RASGRF2: variants seen among roughly 807,000 people sequenced by gnomAD.
RASGRF2 encodes ras-specific guanine nucleotide-releasing factor 2.
Under a neutral mutation model 151.0 loss-of-function variants are expected in RASGRF2, and 76 were observed. The ratio of observed to expected loss-of-function variants is 0.50; its 90% CI spans 0.42 to 0.61. The LOEUF (loss-of-function observed/expected upper bound fraction) is 0.61, where lower values mean the gene tolerates loss of function less well. RASGRF2 is among the 20% of genes least tolerant of loss of function. The pLI is 0.00. For missense variants in RASGRF2, 1,148 were observed against 1,564.6 expected (o/e 0.73, Z 4.49); for synonymous variants, 504 against 566.5 (o/e 0.89, Z 1.57).
chr5:81,090,163 T>C lies in RASGRF2; in HGVS notation c.1391-2638T>C, dbSNP rs148003811. On this transcript the variant is annotated intron_variant, in intron 9 of 26. Transcript: ENST00000265080. ...ACCAGTGTTCTCTGAAATTTTAACT[T>C]TGGGTCTAGAGACAGTTATATCTTC... Among the ~76,000 whole-genome samples the C allele has an allele frequency of 2.3e-4, 35 of 152,344 alleles. No homozygotes were observed. In the East Asian group the frequency reaches 6.6e-3, roughly 29 times the overall value.
chr5:81,106,513 C>A (rs1300066901), intron 12 of RASGRF2, among the ~76,000 whole-genome samples: 1 of 152,168 alleles, frequency 6.6e-6, no homozygotes, highest in Non-Finnish European at 1.5e-5. Context: ...ATTCAAGACT[C>A]CTTTCTCTAT....
chr5:81,092,433 A>T (rs1028433131), intron 9 of RASGRF2, among the ~76,000 whole-genome samples: 1 of 152,172 alleles, frequency 6.6e-6, no homozygotes, highest in African/African-American at 2.4e-5. Context: ...ATTATTCTAT[A>T]TAATTATGCA....
chr5:81,145,587 C>T (rs1029393476), intron 17 of RASGRF2, among the ~76,000 whole-genome samples: 2 of 152,220 alleles, frequency 1.3e-5, no homozygotes, highest in Admixed American at 6.5e-5. Flanking sequence ...TGGTCAATCT[C>T]TCTCTTGGAT....
chr5:81,189,503 T>A (rs1755107581), intron 18 of RASGRF2, among the ~76,000 whole-genome samples: 1 of 151,856 alleles, frequency 6.6e-6, no homozygotes, highest in African/African-American at 2.4e-5. Flanking sequence ...TTTTTTTTTT[T>A]TTTAAGAGAT....
chr5:81,161,957 G>C (rs1020881281), intron 17 of RASGRF2, among the ~76,000 whole-genome samples: 1 of 149,508 alleles, frequency 6.7e-6, no homozygotes, highest in Admixed American at 6.6e-5. Flanking sequence ...TGTAGTAATT[G>C]GTTCTCATTT....
chr5:81,017,092 CA>C (rs1462770029), intron 1 of RASGRF2, among the ~76,000 whole-genome samples: 6 of 151,988 alleles, frequency 3.9e-5, no homozygotes, highest in African/African-American at 1.5e-4. Context: ...GCAAGAAGGG[CA>C]AAAAAAGGAG....
chr5:81,179,456 T>G lies in RASGRF2; in HGVS notation c.2687-719T>G, dbSNP rs568058742. On this transcript the variant is annotated intron_variant, in intron 17 of 26. Coordinates refer to ENST00000265080, the MANE Select transcript of RASGRF2 (RefSeq NM_006909.3). ...AGAACAGTGATTTAAGAGCAGGCACTCTGGTTGTGGAATCCATGGGGTTTT... is the reference window on the plus strand; with the variant it reads ...AGAACAGTGATTTAAGAGCAGGCACGCTGGTTGTGGAATCCATGGGGTTTT... Among the ~76,000 whole-genome samples, 297 of 152,334 alleles carry G rather than the reference T, an allele frequency of 1.9e-3. 1 individual carries two copies. The highest frequency in any genetic ancestry group is 3.7e-3 in the Non-Finnish European group (251 of 68,030).
At chr5:81,105,725 A>G (rs1752827962) in intron 12 of RASGRF2, among the ~76,000 whole-genome samples, 1 of 152,162 alleles carries the variant, frequency 6.6e-6, no homozygotes, top group African/African-American at 2.4e-5. Context: ...GTAGCTAGAA[A>G]GGTCGCTGGG....
At chr5:81,131,185 AT>A (rs1231706400) in intron 17 of RASGRF2, among the ~76,000 whole-genome samples, 1 of 151,854 alleles carries the variant, frequency 6.6e-6, no homozygotes, top group African/African-American at 2.4e-5. Context: ...GAGGACAGCA[AT>A]TTTTTTTGCA....
At position 81,022,401 on chromosome 5, in the gene RASGRF2, C is replaced by G. The variant is rs1482228232; in HGVS notation, c.289-20476C>G. Among the ~76,000 whole-genome samples, 4 of 152,168 alleles carry G rather than the reference C, an allele frequency of 2.6e-5. No individual in the cohort carries two copies. In the South Asian group the frequency reaches 6.2e-4, roughly 24 times the overall value. On this transcript the variant is annotated intron_variant, in intron 1 of 26. Coordinates refer to ENST00000265080, the MANE Select transcript of RASGRF2 (RefSeq NM_006909.3). The stretch of plus-strand genomic sequence containing the variant: ...CCTAACTGCTGGGACACCAATCTTA[C>G]TGATTTACAGGATGTGGTCCCCACC...
intron 23 of RASGRF2, among the ~76,000 whole-genome samples, chr5:81,213,775 C>G (rs1580411679): frequency 6.6e-6 from 1 of 152,094 alleles, no homozygotes; most frequent in Non-Finnish European, 1.5e-5. Flanking sequence ...CCAAATTTGG[C>G]CCCTTAGAAC....
chr5:80,965,636 G>A (rs1211355802), intron 1 of RASGRF2, among the ~76,000 whole-genome samples: 2 of 152,212 alleles, frequency 1.3e-5, no homozygotes, highest in South Asian at 2.1e-4. Context: ...ACAACTAAGC[G>A]CATTGTCGAG....
chr5:81,085,545 G>A (rs1274287630), intron 7 of RASGRF2, among the ~76,000 whole-genome samples: 1 of 152,002 alleles, frequency 6.6e-6, no homozygotes. Context: ...AAAAATTAAA[G>A]AAACAACCAT....
In RASGRF2 at chr5:81,202,892, A is replaced by G. The variant is rs571994909; in HGVS notation, c.2906+1450A>G. Among the ~76,000 whole-genome samples the G allele has an allele frequency of 3.9e-5, 6 of 152,390 alleles. No individual in the cohort carries two copies. In the East Asian group the frequency reaches 1.2e-3, roughly 29 times the overall value. On this transcript the variant is annotated intron_variant, in intron 19 of 26. Coordinates refer to ENST00000265080, the MANE Select transcript of RASGRF2 (RefSeq NM_006909.3). Reference sequence around the variant, plus strand: ...AAAAGGCAAGGGAGGGTTCCCCTCCAGGATTCAGAGGCAGCATAGCCCTGC... The same window carrying G: ...AAAAGGCAAGGGAGGGTTCCCCTCCGGGATTCAGAGGCAGCATAGCCCTGC...
chr5:81,030,474 G>A (rs950847952), intron 1 of RASGRF2, among the ~76,000 whole-genome samples: 1 of 152,226 alleles, frequency 6.6e-6, no homozygotes, highest in Non-Finnish European at 1.5e-5. Context: ...CCACAAGCCA[G>A]AGGACAGTGG....
At chr5:81,087,341 A>C (rs1258167824) in intron 9 of RASGRF2, 1 of 703,014 alleles carries the variant, frequency 1.4e-6, no homozygotes, top group Non-Finnish European at 2.6e-6. Flanking sequence ...CTTTCACATA[A>C]GACTGGGGAC....
chr5:81,182,577 T>C (rs1412266222), intron 18 of RASGRF2, among the ~76,000 whole-genome samples: 1 of 152,198 alleles, frequency 6.6e-6, no homozygotes, highest in Admixed American at 6.5e-5. Flanking sequence ...CAGTAATCAT[T>C]TGGCCTCCAC....
At chr5:81,132,397 A>G (rs1753645369) in intron 17 of RASGRF2, among the ~76,000 whole-genome samples, 2 of 152,172 alleles carry the variant, frequency 1.3e-5, no homozygotes, top group African/African-American at 2.4e-5. Context: ...AAGGTAAAAG[A>G]GTTTTGTCTT....
intron 9 of RASGRF2, chr5:81,087,683 T>G (rs982005419): frequency 2.7e-6 from 1 of 366,628 alleles, no homozygotes; most frequent in African/African-American, 2.0e-5. Flanking sequence ...TTTTTAGTGC[T>G]TAGGTCCTCT....
Sources: gnomAD v4.1 joint callset for allele counts (sites outside exome capture counted in the v4.1 genomes callset) on GRCh38, gnomAD v4.1.1 for gene constraint, MANE v1.5 for transcripts, NCBI Gene and HGNC (gene_info 2026-07-23, HGNC 2026-07-21) for gene names.